The following DOCK2 variants were observed in gnomAD, a reference collection of about 807,000 sequenced individuals.
DOCK2 encodes the protein dedicator of cytokinesis protein 2.
DOCK2 carries 87 observed loss-of-function variants against 248.9 expected under a neutral mutation model. The observed-to-expected ratio is 0.35, with a 90% CI of 0.29 to 0.42. The LOEUF (loss-of-function observed/expected upper bound fraction) is 0.42. Ranked by LOEUF, DOCK2 falls within the 10% of genes least tolerant of loss-of-function variation. The pLI, the probability that DOCK2 is intolerant of heterozygous loss-of-function variation, is 1.00. For missense variants in DOCK2, 1,747 were observed against 2,300.2 expected, an observed-to-expected ratio of 0.76 and a Z score of 4.92; for synonymous variants, 805 against 821.6, an observed-to-expected ratio of 0.98 and a Z score of 0.35.
intron 2 of DOCK2, among the ~76,000 whole-genome samples, chr5:169,668,103 C>G (rs1231109636): frequency 1.3e-5 from 2 of 152,214 alleles, no homozygotes. Flanking sequence ...CTTGGAAAGT[C>G]ACTTAACTTC....
In DOCK2 at chr5:170,057,610, A is replaced by G. The variant is rs1757177449; in HGVS notation, c.4411A>G (p.Thr1471Ala). The change falls in exon 44 of 52, where the codon ACT becomes GCT. Residue 1471 changes from threonine (T) to alanine (A), a missense_variant. Thr to Ala is a moderately conservative substitution (Grantham distance 58). Transcript: ENST00000520908. ...SMWIERTSFVTAYKLPGILRW... is the reference protein window; with the variant it reads ...SMWIERTSFVAAYKLPGILRW... ...GTGGATTGAGAGAACCTCCTTCGTG[A>G]CTGCATACAAGCTGCCGGGGATCCT... The G allele has an allele frequency of 6.2e-7, 1 of 1,614,086 alleles. No homozygotes were observed. The highest frequency in any genetic ancestry group is 1.3e-5 in the African/African-American group (1 of 75,008).
chr5:169,916,128 G>A (rs183440729), intron 27 of DOCK2, among the ~76,000 whole-genome samples: 1 of 152,348 alleles, frequency 6.6e-6, no homozygotes, highest in Non-Finnish European at 1.5e-5. Context: ...AGGTCTTCCT[G>A]ATTCCCGGGA....
chr5:170,076,549 GT>G (rs1757848265), intron 47 of DOCK2, among the ~76,000 whole-genome samples: 2 of 152,216 alleles, frequency 1.3e-5, no homozygotes, highest in Admixed American at 6.5e-5. Flanking sequence ...GGCTCTGTTA[GT>G]TTAAGGCCAG....
At chr5:169,851,438 T>C (rs1472051891) in intron 27 of DOCK2, among the ~76,000 whole-genome samples, 3 of 152,210 alleles carry the variant, frequency 2.0e-5, no homozygotes, top group Non-Finnish European at 2.9e-5. Flanking sequence ...ATGAGGTTCC[T>C]TGATTTGTTA....
chr5:169,972,492 G>GCATTATT, intron 27 of DOCK2, among the ~76,000 whole-genome samples: 1 of 48,496 alleles, frequency 2.1e-5, no homozygotes, highest in Non-Finnish European at 3.3e-5. Flanking sequence ...ATATTTCAAG[G>GCATTATT]CAATGCCCTT....
At chr5:169,647,538 G>C (rs1436713205) in intron 1 of DOCK2, among the ~76,000 whole-genome samples, 1 of 152,100 alleles carries the variant, frequency 6.6e-6, no homozygotes, top group African/African-American at 2.4e-5. Context: ...GCAATAAATA[G>C]AGTACTCTTG....
At chr5:169,790,873 C>G (rs1373241303) in intron 25 of DOCK2, among the ~76,000 whole-genome samples, 1 of 152,188 alleles carries the variant, frequency 6.6e-6, no homozygotes, top group African/African-American at 2.4e-5. Flanking sequence ...ACCCAGGTCT[C>G]CCAACCTTTA....
At chr5:169,661,138 G>T (rs1248704212) in intron 2 of DOCK2, among the ~76,000 whole-genome samples, 2 of 151,908 alleles carry the variant, frequency 1.3e-5, no homozygotes, top group African/African-American at 4.8e-5. Context: ...TCCAATTTAA[G>T]CCTGATAAGA....
intron 46 of DOCK2, 31 bp from the exon 47 acceptor site, chr5:170,075,916 T>A: frequency 6.2e-7 from 1 of 1,612,728 alleles, no homozygotes; most frequent in Non-Finnish European, 8.5e-7. Context: ...CCGGTCAGCC[T>A]CTGGCTCATT....
intron 27 of DOCK2, among the ~76,000 whole-genome samples, chr5:169,952,948 T>C (rs556388682): frequency 6.6e-6 from 1 of 152,208 alleles, no homozygotes; most frequent in Non-Finnish European, 1.5e-5. Context: ...AGGTTGATTG[T>C]GGTAAAGGGA....
intron 33 of DOCK2, among the ~76,000 whole-genome samples, chr5:170,019,687 C>A (rs986709211): frequency 6.6e-6 from 1 of 152,154 alleles, no homozygotes; most frequent in East Asian, 1.9e-4. Flanking sequence ...TTGAATATTT[C>A]GTCAAACTTG....
At chr5:169,925,391 C>T (rs1335559573) in intron 27 of DOCK2, among the ~76,000 whole-genome samples, 2 of 151,968 alleles carry the variant, frequency 1.3e-5, no homozygotes, top group Non-Finnish European at 2.9e-5. Context: ...ACCAGCCTGG[C>T]CAACATGGTG....
At chr5:169,771,352 C>T (rs549498295) in intron 25 of DOCK2, among the ~76,000 whole-genome samples, 5 of 152,274 alleles carry the variant, frequency 3.3e-5, no homozygotes, top group Non-Finnish European at 7.4e-5. Flanking sequence ...GGCGTGATCT[C>T]GGCTCACTGC....
At chr5:169,777,962 A>T (rs1765476630) in intron 25 of DOCK2, among the ~76,000 whole-genome samples, 1 of 152,134 alleles carries the variant, frequency 6.6e-6, no homozygotes, top group Non-Finnish European at 1.5e-5. Context: ...CATTTTCCTC[A>T]TTTCTCAAAT....
chr5:169,678,819 G>A (rs1454846920), intron 6 of DOCK2, among the ~76,000 whole-genome samples: 1 of 151,974 alleles, frequency 6.6e-6, no homozygotes, highest in Non-Finnish European at 1.5e-5. Context: ...TAGGAGTGCA[G>A]GAAGCATGGG....
intron 22 of DOCK2, among the ~76,000 whole-genome samples, chr5:169,745,211 T>C (rs1763542026): frequency 6.6e-6 from 1 of 152,160 alleles, no homozygotes; most frequent in African/African-American, 2.4e-5. Context: ...CCATGCTGGA[T>C]TAGGATCCTC....
chr5:169,883,715 G>C lies in DOCK2; in HGVS notation c.2799+42863G>C, dbSNP rs1772804760. On this transcript the variant is annotated intron_variant, in intron 27 of 51. Transcript: ENST00000520908. ...GCTTGAGTCTTCCCCATCACAGCCG[G>C]GTCTTCTGGAGTTTGGACGTCAACC... 3 of 1,551,530 alleles carry C rather than the reference G, an allele frequency of 1.9e-6. No homozygotes were observed. In the East Asian group the frequency reaches 7.3e-5, roughly 38 times the overall value.
intron 46 of DOCK2, among the ~76,000 whole-genome samples, chr5:170,072,691 TC>T (rs1320785519): frequency 6.6e-6 from 1 of 152,166 alleles, no homozygotes; most frequent in East Asian, 1.9e-4. Flanking sequence ...ATACTGGGAG[TC>T]TTTTTTAATT....
chr5:169,770,834 A>G (rs958926563), intron 25 of DOCK2, among the ~76,000 whole-genome samples: 1 of 152,222 alleles, frequency 6.6e-6, no homozygotes. Flanking sequence ...TGAATAAGCC[A>G]TAATTTGTTC....
Sources: allele counts gnomAD v4.1 joint callset (sites outside exome capture counted in the v4.1 genomes callset), GRCh38; gene constraint gnomAD v4.1.1; transcripts MANE v1.5; gene names NCBI Gene and HGNC (gene_info 2026-07-23, HGNC 2026-07-21).